The following AGMO variants were observed in gnomAD, a reference collection of about 807,000 sequenced individuals.
The protein encoded by AGMO is alkylglycerol monooxygenase.
Under a neutral mutation model 60.2 loss-of-function variants are expected in AGMO, and 75 were observed. The observed-to-expected ratio is 1.25, with a 90% confidence interval of 1.03 to 1.51. The LOEUF (loss-of-function observed/expected upper bound fraction) is 1.51. AGMO is among the 40% of genes most tolerant of loss of function. The probability of loss-of-function intolerance (pLI) is 0.00; values close to 1 mark genes in which losing one functional copy is unlikely to be tolerated. For synonymous variants in AGMO, 261 were observed against 177.1 expected, an observed-to-expected ratio of 1.47 and a Z score of -3.76; for missense variants, 763 against 525.5, an observed-to-expected ratio of 1.45 and a Z score of -4.42.
rs776437721 is a variant in AGMO at position 15,561,803 on chromosome 7, C to A, written c.43G>T (p.Gly15Ter). The A allele has an allele frequency of 6.2e-7, 1 of 1,609,576 alleles. No individual in the cohort carries two copies. Among genetic ancestry groups the A allele is most frequent in the Admixed American group, 1.7e-5 (1 of 59,732 alleles). Residue 15 changes from glycine to a stop codon, truncating the protein, a stop_gained, in exon 1 of 13, where the codon GGA becomes TGA. Transcript: ENST00000342526. LOFTEE classifies it high-confidence loss of function. The part of the protein sequence containing the change: ...EAQQDVSVSQ[G>*]FRMLFYTMKP... ...ATCGTGTAAAACAACATGCGAAATC[C>A]CTGGGAAACTGAAACATCCTGCTGG...
intron 12 of AGMO, among the ~76,000 whole-genome samples, chr7:15,341,431 C>T (rs531568932): frequency 1.3e-5 from 2 of 152,144 alleles, no homozygotes; most frequent in Non-Finnish European, 2.9e-5. Flanking sequence ...CCAAGAAGTT[C>T]CTCATCTCTA....
chr7:15,248,220 A>ATC (rs1563053879), intron 12 of AGMO, among the ~76,000 whole-genome samples: 16 of 110,890 alleles, frequency 1.4e-4, no homozygotes, highest in African/African-American at 5.3e-4. Flanking sequence ...ATATATATAT[A>ATC]TATATCTTCA....
chr7:15,533,819 G>C (rs569921899), intron 3 of AGMO, among the ~76,000 whole-genome samples: 3 of 152,056 alleles, frequency 2.0e-5, no homozygotes, highest in Non-Finnish European at 2.9e-5. Context: ...TTAACTCACA[G>C]TATAAGCACT....
At chr7:15,194,843 C>A in the AGMO span, among the ~76,000 whole-genome samples, 44 of 152,110 alleles carry the variant, frequency 2.9e-4, no homozygotes, top group Non-Finnish European at 4.4e-4. Flanking sequence ...TCTCCAATAC[C>A]CCCTGTCTAG....
intron 12 of AGMO, among the ~76,000 whole-genome samples, chr7:15,289,285 G>A (rs1436840762): frequency 7.3e-6 from 1 of 137,018 alleles, no homozygotes; most frequent in Non-Finnish European, 1.6e-5. Flanking sequence ...AATGTTAATT[G>A]TTTCTTTATA....
downstream of AGMO, among the ~76,000 whole-genome samples, chr7:15,197,625 C>G (rs1781153141): frequency 6.6e-6 from 1 of 152,184 alleles, no homozygotes; most frequent in African/African-American, 2.4e-5. Flanking sequence ...CTGACAAGTC[C>G]TGTAGCCTCT....
chr7:15,426,561 C>T (rs527294608), intron 4 of AGMO, among the ~76,000 whole-genome samples: 3 of 152,008 alleles, frequency 2.0e-5, no homozygotes, highest in South Asian at 2.1e-4. Context: ...CCAGCCTGGG[C>T]AACATGGCAA....
chr7:15,125,444 A>G, the AGMO span, among the ~76,000 whole-genome samples: 1 of 152,218 alleles, frequency 6.6e-6, no homozygotes, highest in Admixed American at 6.6e-5. Flanking sequence ...ACTGATTTTG[A>G]TATAAAAATC....
chr7:15,400,015 G>T (rs1784512695), intron 5 of AGMO, among the ~76,000 whole-genome samples: 1 of 152,094 alleles, frequency 6.6e-6, no homozygotes, highest in African/African-American at 2.4e-5. Flanking sequence ...TTCTCTGAAT[G>T]CATATTGAGA....
chr7:15,342,172 T>TTAAA (rs1554418915), intron 12 of AGMO, among the ~76,000 whole-genome samples: 11 of 54,300 alleles, frequency 2.0e-4, no homozygotes, highest in African/African-American at 8.4e-4. Context: ...CCCACAGAGT[T>TTAAA]AAAAAAAAAA....
intron 4 of AGMO, among the ~76,000 whole-genome samples, chr7:15,421,263 G>C (rs1236971966): frequency 6.6e-6 from 1 of 152,062 alleles, no homozygotes; most frequent in African/African-American, 2.4e-5. Flanking sequence ...GGGAGAGTGT[G>C]TATTTTTCTC....
chr7:15,159,538 C>A, the AGMO span, among the ~76,000 whole-genome samples: 1 of 152,116 alleles, frequency 6.6e-6, no homozygotes, highest in Non-Finnish European at 1.5e-5. Flanking sequence ...AAAAATAATT[C>A]TGTCATTGCC....
intron 12 of AGMO, among the ~76,000 whole-genome samples, chr7:15,269,405 T>C (rs1282922657): frequency 6.6e-6 from 1 of 151,976 alleles, no homozygotes; most frequent in East Asian, 1.9e-4. Context: ...AGAACAATGA[T>C]GGACAAGGAT....
At chr7:15,360,274 C>T (rs1418062748) in intron 12 of AGMO, among the ~76,000 whole-genome samples, 2 of 152,110 alleles carry the variant, frequency 1.3e-5, no homozygotes, top group Non-Finnish European at 2.9e-5. Context: ...AGTATTACAT[C>T]GTTAGCAATA....
the AGMO span, among the ~76,000 whole-genome samples, chr7:15,157,215 A>G: frequency 6.6e-6 from 1 of 152,192 alleles, no homozygotes; most frequent in African/African-American, 2.4e-5. Context: ...CCTTTGAAGC[A>G]GGCACTCTTA....
chr7:15,119,857 A>C, the AGMO span, among the ~76,000 whole-genome samples: 1 of 152,006 alleles, frequency 6.6e-6, no homozygotes, highest in Admixed American at 6.6e-5. Flanking sequence ...TCCATCACGT[A>C]TCTTCCAACC....
Position 15,272,416 on chromosome 7 carries a change from G to T in AGMO, c.1264-71057C>A, listed in dbSNP as rs553539556. 4.0e-4 allele frequency among the ~76,000 whole-genome samples: 60 copies of T among 151,858 alleles called. No homozygotes were observed. The South Asian group carries it at 0.013, about 32-fold the overall frequency. On this transcript the variant is annotated intron_variant, in intron 12 of 12. Transcript: ENST00000342526. The stretch of plus-strand genomic sequence containing the variant: ...GTTCTTGGGATAGTTTCCTGAGAAA[G>T]ATAGTTTCCAGCTTCATCCATGTCC...
chr7:15,545,051 T>C lies in AGMO; in HGVS notation c.258-128A>G, dbSNP rs1235009712. On this transcript the variant is annotated intron_variant, in intron 2 of 12. Coordinates refer to ENST00000342526, the MANE Select transcript of AGMO (RefSeq NM_001004320.2). ...AAATGAAACTCTTTCTTCTACTTTG[T>C]GTCTTCTATGTCATTCCTTTTAAAG... 9 of 594,438 alleles carry C rather than the reference T, an allele frequency of 1.5e-5. No homozygotes were observed. In the South Asian group the frequency reaches 4.8e-4, roughly 32 times the overall value. 36.8% of individuals were successfully genotyped at this position (594,438 alleles called of 1,614,324 possible). A position where few individuals can be genotyped will look rare whatever the true frequency, so the allele number is the denominator to read the frequency against.
chr7:15,499,015 A>G (rs1313026402), intron 3 of AGMO, among the ~76,000 whole-genome samples: 2 of 151,988 alleles, frequency 1.3e-5, no homozygotes, highest in East Asian at 1.9e-4. Flanking sequence ...TAGCATGCAT[A>G]GAGTTACAGA....
Sources: allele counts gnomAD v4.1 joint callset (sites outside exome capture counted in the v4.1 genomes callset), GRCh38; gene constraint gnomAD v4.1.1; transcripts MANE v1.5; gene names NCBI Gene and HGNC (gene_info 2026-07-23, HGNC 2026-07-21).